The following MGAM2 variants were observed in gnomAD, a reference collection of about 807,000 sequenced individuals.
MGAM2 encodes probable maltase-glucoamylase 2.
A neutral mutation model predicts 96.1 loss-of-function variants in MGAM2; 98 were observed. The observed-to-expected ratio is 1.02, with a 90% confidence interval of 0.87 to 1.21. The LOEUF is 1.21. Among genes scored for constraint, MGAM2 ranks in the 50% most tolerant of loss-of-function variants. MGAM2 has a pLI of 0.00. For missense variants in MGAM2, 2,055 were observed against 1,182.4 expected (o/e 1.74, Z -10.82); for synonymous variants, 749 against 414.8 (o/e 1.81, Z -9.79).
intron 46 of MGAM2, among the ~76,000 whole-genome samples, chr7:142,210,427 A>C (rs914591067): frequency 2.0e-5 from 3 of 152,218 alleles, no homozygotes; most frequent in Admixed American, 6.5e-5. Context: ...CCAGCAAGCT[A>C]AGATCCACAG....
At position 142,161,151 on chromosome 7, in the gene MGAM2, T is replaced by A. The variant is rs1795876923; in HGVS notation, c.2372T>A (p.Ile791Asn). 1.4e-6 allele frequency: 1 copy of A among 702,630 alleles called. No homozygotes were observed. Among genetic ancestry groups the A allele is most frequent in the African/African-American group, 1.7e-5 (1 of 57,230 alleles). The allele number at this position is 702,630 out of a possible 1,614,324, so 43.5% of individuals were successfully genotyped here. ...CGGAGGAATTCCCTGGGACTCATCA[T>A]CGCCTTGGACTATAAGAGAGAAGCA... is the stretch of plus-strand genomic sequence containing the variant. ...ASRRNSLGLI[I>N]ALDYKREAKG... Residue 791 changes from isoleucine to asparagine, a missense_variant, in exon 22 of 48, where the codon ATC (isoleucine) becomes AAC (asparagine). Transcript: ENST00000477922.
intron 37 of MGAM2, among the ~76,000 whole-genome samples, chr7:142,193,384 A>G (rs1796932229): frequency 6.6e-6 from 1 of 151,998 alleles, no homozygotes; most frequent in South Asian, 2.1e-4. Context: ...GGAGAAGACC[A>G]TGTCTTCTTT....
chr7:142,211,744 T>C (rs28815900), intron 46 of MGAM2, among the ~76,000 whole-genome samples: 31,326 of 152,082 alleles, frequency 0.21, 3,466 homozygotes, highest in Non-Finnish European at 0.24. Flanking sequence ...ACGAGGAGAA[T>C]GGAACCAAGT....
chr7:142,216,301 C>T (rs1204281872), intron 46 of MGAM2, among the ~76,000 whole-genome samples: 2 of 152,082 alleles, frequency 1.3e-5, no homozygotes, highest in Admixed American at 1.3e-4. Context: ...AATTTTAGTT[C>T]TATTTCTACT....
At chr7:142,184,238 G>A (rs57983594) in intron 33 of MGAM2, among the ~76,000 whole-genome samples, 17,100 of 151,972 alleles carry the variant, frequency 0.11, 1,277 homozygotes, top group African/African-American at 0.21. Context: ...CTCCCAAAGC[G>A]CTGGGATTAC....
chr7:142,116,499 A>G (rs773109989), intron 1 of MGAM2, among the ~76,000 whole-genome samples: 47 of 152,326 alleles, frequency 3.1e-4, no homozygotes, highest in Admixed American at 8.5e-4. Flanking sequence ...CCTGTCTACT[A>G]CATTAGGTGG....
At chr7:142,122,980 C>T (rs1473266969) in intron 3 of MGAM2, among the ~76,000 whole-genome samples, 1 of 152,024 alleles carries the variant, frequency 6.6e-6, no homozygotes. Context: ...CAGGCATGCA[C>T]CACCATGCCC....
At chr7:142,200,389 T>A (rs147973946) in intron 45 of MGAM2, among the ~76,000 whole-genome samples, 71 of 152,308 alleles carry the variant, frequency 4.7e-4, no homozygotes, top group African/African-American at 1.6e-3. Flanking sequence ...AATTTAGAGG[T>A]TAGAAAATTT....
intron 12 of MGAM2, among the ~76,000 whole-genome samples, chr7:142,142,416 T>G (rs1285728198): frequency 1.3e-5 from 2 of 152,044 alleles, no homozygotes; most frequent in Non-Finnish European, 2.9e-5. Context: ...TGCATATAAT[T>G]ACAAATAATG....
In MGAM2 at chr7:142,164,991, A is replaced by G. The variant is rs1241007308; in HGVS notation, c.2620A>G (p.Ser874Gly). 2 of 702,154 alleles carry G rather than the reference A, an allele frequency of 2.8e-6. No homozygotes were observed. The highest frequency in any genetic ancestry group is 5.2e-6 in the Non-Finnish European group (2 of 384,682). The allele number at this position is 702,154 out of a possible 1,614,324, so 43.5% of individuals were successfully genotyped here. Residue 874 changes from serine (S) to glycine (G), a missense_variant, in exon 24 of 48, where the codon AGT becomes GGT. By Grantham distance (56) the Ser-to-Gly change is moderately conservative (BLOSUM62 0). Transcript: ENST00000477922. Reference sequence around the variant, plus strand: ...CCTACTGAATAATGTTGCCACCTCCAGTCCAAGCGTTGTCTACAATGCTTC... The same window carrying G: ...CCTACTGAATAATGTTGCCACCTCCGGTCCAAGCGTTGTCTACAATGCTTC... ...IVLLNNVATS[S>G]PSVVYNASTK...
intron 45 of MGAM2, chr7:142,208,132 T>C (rs1433698792): frequency 2.2e-6 from 1 of 457,602 alleles, no homozygotes; most frequent in Non-Finnish European, 4.4e-6. Flanking sequence ...TGCACAGCTA[T>C]TAAGTACAAG....
chr7:142,213,350 G>A (rs1464859695), intron 46 of MGAM2, among the ~76,000 whole-genome samples: 4 of 151,758 alleles, frequency 2.6e-5, no homozygotes, highest in Admixed American at 1.3e-4. Flanking sequence ...AGAGAGACAC[G>A]AAATACCCTT....
chr7:142,115,156 G>A (rs1462771763), intron 1 of MGAM2, among the ~76,000 whole-genome samples: 2 of 152,168 alleles, frequency 1.3e-5, no homozygotes, highest in East Asian at 3.9e-4. Flanking sequence ...GGTGGAGGTT[G>A]CAGTGAGTTG....
At position 142,143,899 on chromosome 7, in the gene MGAM2, G is replaced by T; in HGVS notation, c.1431+17G>T. 1.4e-6 allele frequency: 1 copy of T among 701,274 alleles called. No individual in the cohort carries two copies. The highest frequency in any genetic ancestry group is 1.5e-5 in the South Asian group (1 of 67,236). The allele number at this position is 701,274 out of a possible 1,614,324, so 43.4% of individuals were successfully genotyped here. A position where few individuals can be genotyped will look rare whatever the true frequency, so the allele number is the denominator to read the frequency against. ...GTGTGGATTGTAAGTTATTATTCCTGACTCAAATTTCCTTTGGAAACAGAT... is the reference window on the plus strand; with the variant it reads ...GTGTGGATTGTAAGTTATTATTCCTTACTCAAATTTCCTTTGGAAACAGAT... On this transcript the variant is annotated intron_variant, in intron 13 of 47. Transcript: ENST00000477922.
chr7:142,220,964 T>C lies in MGAM2; in HGVS notation c.6453T>C (p.Asn2151=), dbSNP rs1461205191. The part of the protein sequence containing the change: ...ISTPVQTNTT[N]ASTSTNVANI... ...CTCCTGTTCAAACAAATACTACTAA[T>C]GCTAGCACTAGTACTAATGTTGCTA... The change falls in exon 48 of 48, where the codon AAT becomes AAC. Residue 2151 remains asparagine, a synonymous_variant. Transcript: ENST00000477922. The C allele has an allele frequency of 1.4e-6, 1 of 701,952 alleles. No homozygotes were observed. The highest frequency in any genetic ancestry group is 2.6e-6 in the Non-Finnish European group (1 of 384,696). 43.5% of individuals were successfully genotyped at this position (701,952 alleles called of 1,614,324 possible).
intron 46 of MGAM2, among the ~76,000 whole-genome samples, chr7:142,216,756 G>A (rs1241051911): frequency 1.3e-5 from 2 of 152,168 alleles, no homozygotes; most frequent in Non-Finnish European, 2.9e-5. Context: ...CTGCCCAGTA[G>A]CAAAAGTCTT....
At position 142,134,107 on chromosome 7, in the gene MGAM2, C is replaced by T; in HGVS notation, c.702C>T (p.Thr234=). ...ACCAGCAGTACCGCCACAATATGAC[C>T]TGGAAGACTTGGCCCATCTTCACCC... ...HVHQQYRHNM[T]WKTWPIFTRD... Residue 234 remains threonine, a synonymous_variant, in exon 7 of 48, where the codon ACC becomes ACT. Transcript: ENST00000477922. 1.3e-6 allele frequency: 1 copy of T among 763,070 alleles called. No homozygotes were observed. Among genetic ancestry groups the T allele is most frequent in the East Asian group, 2.4e-5 (1 of 41,114 alleles). The allele number at this position is 763,070 out of a possible 1,614,324, so 47.3% of individuals were successfully genotyped here.
Position 142,220,260 on chromosome 7 carries a change from G to C in MGAM2, c.5749G>C (p.Val1917Leu), listed in dbSNP as rs1394442586. 5.7e-6 allele frequency: 4 copies of C among 702,418 alleles called. No individual in the cohort carries two copies. In the African/African-American group the frequency reaches 7.0e-5, roughly 12 times the overall value. The allele number at this position is 702,418 out of a possible 1,614,324, so 43.5% of individuals were successfully genotyped here. A position where few individuals can be genotyped will look rare whatever the true frequency, so the allele number is the denominator to read the frequency against. Reference protein sequence around the residue: ...STIGVTTNATVPNTTAPFPTN... With the variant: ...STIGVTTNATLPNTTAPFPTN... ...TATTGGTGTTACAACTAATGCTACT[G>C]TTCCCAATACAACTGCCCCTTTCCC... is the stretch of plus-strand genomic sequence containing the variant. Residue 1917 changes from valine to leucine, a missense_variant, in exon 48 of 48, where the codon GTT becomes CTT. Val to Leu is a conservative substitution (Grantham distance 32, BLOSUM62 1). Transcript: ENST00000477922.
At chr7:142,181,260 G>A (rs4259332) in intron 32 of MGAM2, among the ~76,000 whole-genome samples, 27,227 of 152,138 alleles carry the variant, frequency 0.18, 2,731 homozygotes, top group East Asian at 0.31. Context: ...TGTGGTGTAT[G>A]TTGAGTATAG....
Sources: gnomAD v4.1 joint callset for allele counts (sites outside exome capture counted in the v4.1 genomes callset) on GRCh38, gnomAD v4.1.1 for gene constraint, MANE v1.5 for transcripts, NCBI Gene and HGNC (gene_info 2026-07-23, HGNC 2026-07-21) for gene names.